The following CSF1R variants were observed in gnomAD, a reference collection of about 807,000 sequenced individuals.
The protein encoded by CSF1R is macrophage colony-stimulating factor 1 receptor.
A neutral mutation model predicts 110.0 loss-of-function variants in CSF1R; 40 were observed. The observed-to-expected ratio is 0.36, with a 90% confidence interval of 0.28 to 0.47. CSF1R has a LOEUF of 0.47. Ranked by LOEUF, CSF1R falls within the 20% of genes least tolerant of loss-of-function variation. The probability of loss-of-function intolerance (pLI) is 0.99; values close to 1 mark genes in which losing one functional copy is unlikely to be tolerated. For missense variants in CSF1R, 1,052 were observed against 1,253.0 expected, an observed-to-expected ratio of 0.84 and a Z score of 2.42; for synonymous variants, 523 against 503.4, an observed-to-expected ratio of 1.04 and a Z score of -0.52.
At chr5:150,103,868 G>A (rs532078433) in intron 1 of CSF1R, among the ~76,000 whole-genome samples, 41 of 152,312 alleles carry the variant, frequency 2.7e-4, no homozygotes, top group Non-Finnish European at 4.6e-4. Context: ...CTGGCAGGGT[G>A]CCAGGGCTTG....
At chr5:150,088,269 A>C (rs1211630198), upstream of CSF1R, among the ~76,000 whole-genome samples, 2 of 152,224 alleles carry the variant, frequency 1.3e-5, no homozygotes, top group Non-Finnish European at 2.9e-5. Context: ...TATAACAAGA[A>C]AAGAAATTTA....
At chr5:150,084,376 A>AAAGAAAGAAAG (rs1758715341) in intron 1 of CSF1R, among the ~76,000 whole-genome samples, 1 of 47,946 alleles carries the variant, frequency 2.1e-5, no homozygotes, top group African/African-American at 1.3e-4. Flanking sequence ...AGAAAGAAAG[A>AAAGAAAGAAAG]AAGAAAGAAA....
intron 1 of CSF1R, among the ~76,000 whole-genome samples, chr5:150,104,013 G>T (rs1188673821): frequency 6.6e-6 from 1 of 152,016 alleles, no homozygotes; most frequent in Admixed American, 6.5e-5. Flanking sequence ...TCCCAGGCCT[G>T]CTGACTTAGG....
intron 10 of CSF1R, 122 bp from the exon 11 acceptor site, chr5:150,061,971 CAAGG>C: frequency 5.2e-6 from 7 of 1,358,024 alleles, no homozygotes; most frequent in African/African-American, 1.4e-5. Context: ...GAAGGCAGGG[CAAGG>C]CCTGCTCTGG....
chr5:150,092,208 G>GAGGC (rs549305620), intron 1 of CSF1R, among the ~76,000 whole-genome samples: 19 of 152,332 alleles, frequency 1.2e-4, no homozygotes, highest in Admixed American at 3.3e-4. Flanking sequence ...ACAAAAACAG[G>GAGGC]AGGCAGGCTA....
chr5:150,095,168 T>C (rs1454001987), intron 1 of CSF1R: 3 of 638,338 alleles, frequency 4.7e-6, no homozygotes, highest in South Asian at 4.1e-5. Context: ...ACAAAACTGA[T>C]AGACCCGAAA....
chr5:150,075,813 G>A (rs748559440), intron 5 of CSF1R, among the ~76,000 whole-genome samples: 3 of 152,176 alleles, frequency 2.0e-5, no homozygotes, highest in Admixed American at 6.5e-5. Context: ...ATTAGAAGCC[G>A]TAACTGAATT....
In CSF1R at chr5:150,080,933, G is replaced by A. The variant is rs771756926; in HGVS notation, c.141C>T (p.Ser47=). 5.6e-6 allele frequency: 9 copies of A among 1,614,140 alleles called. No homozygotes were observed. Among genetic ancestry groups the A allele is most frequent in the South Asian group, 3.3e-5 (3 of 91,078 alleles). ...TVTLRCVGNG[S]VEWDGPPSPH... is the part of the protein sequence containing the mutation. ...GTGATGGGGGGCCATCCCATTCCAC[G>A]CTGCCATTGCCCACACATCGCAAGG... Residue 47 remains serine, a synonymous_variant, in exon 2 of 21, where the codon AGC becomes AGT. Coordinates refer to ENST00000675795, the MANE Select transcript of CSF1R (RefSeq NM_001288705.3).
chr5:150,077,811 A>G (rs1020366648), intron 4 of CSF1R, among the ~76,000 whole-genome samples: 6 of 152,228 alleles, frequency 3.9e-5, no homozygotes, highest in Non-Finnish European at 5.9e-5. Context: ...CTAAATCAGA[A>G]GTGAGCTCAC....
At chr5:150,108,580 A>G (rs891636756) in intron 1 of CSF1R, among the ~76,000 whole-genome samples, 8 of 152,214 alleles carry the variant, frequency 5.3e-5, no homozygotes, top group African/African-American at 1.7e-4. Context: ...AGAATGAAAA[A>G]GAAAAATTTT....
intron 3 of CSF1R, 75 bp downstream of exon 3, chr5:150,079,977 G>GT (rs3842021): frequency 0.021 from 32,902 of 1,543,416 alleles, 2,655 homozygotes; most frequent in East Asian, 0.21. Context: ...CCAGTCCCCA[G>GT]TCACCACCCA....
chr5:150,057,144 T>C, intron 16 of CSF1R, 143 bp downstream of exon 16: 2 of 678,368 alleles, frequency 2.9e-6, no homozygotes, highest in Non-Finnish European at 5.0e-6. Flanking sequence ...TCCTTGCAGC[T>C]GCTGCCCAAA....
rs370191577 is a variant in CSF1R at position 150,106,876 on chromosome 5, C to T, written c.-181+6385G>A. 2.1e-4 allele frequency among the ~76,000 whole-genome samples: 32 copies of T among 152,206 alleles called. 1 individual carries two copies. Among genetic ancestry groups the T allele is most frequent in the East Asian group, 7.7e-4 (4 of 5,188 alleles). On this transcript the variant is annotated intron_variant, in intron 1 of 21. Coordinates refer to the CSF1R transcript ENST00000286301. Reference sequence around the variant, plus strand: ...ACTGAGTCCCTGTCTTATAGTCTCTCGTGGCTCCCTGAGTTTCCTGGCACT... The same window carrying T: ...ACTGAGTCCCTGTCTTATAGTCTCTTGTGGCTCCCTGAGTTTCCTGGCACT...
At chr5:150,057,224 T>A in intron 16 of CSF1R, 63 bp downstream of exon 16, 2 of 1,441,312 alleles carry the variant, frequency 1.4e-6, no homozygotes, top group Non-Finnish European at 1.9e-6. Context: ...CCATCGTCAC[T>A]CATCCAGCCT....
At chr5:150,075,239 T>C (rs923433536) in intron 5 of CSF1R, among the ~76,000 whole-genome samples, 6 of 152,174 alleles carry the variant, frequency 3.9e-5, no homozygotes, top group Admixed American at 3.9e-4. Context: ...TATTCATCCA[T>C]CCATTAGTCC....
At chr5:150,069,769 GC>G in intron 9 of CSF1R, 103 bp downstream of exon 9, 2 of 1,174,238 alleles carry the variant, frequency 1.7e-6, no homozygotes, top group Non-Finnish European at 2.3e-6. Context: ...CAAAGGTGGA[GC>G]CAACCCCAGC....
At chr5:150,057,661 A>AC (rs775023308) in intron 14 of CSF1R, 69 bp from the exon 15 acceptor site, 294 of 1,108,848 alleles carry the variant, frequency 2.7e-4, no homozygotes, top group Non-Finnish European at 3.8e-4. Context: ...TCAGGCCTTG[A>AC]CCACCCACCA....
rs1240683875 is a variant in CSF1R at position 150,080,154 on chromosome 5, T to C, written c.490A>G (p.Ile164Val). The change falls in exon 3 of 21, where the codon ATC becomes GTC. Residue 164 changes from isoleucine (I) to valine (V), a missense_variant. Physicochemically the swap from Ile to Val is conservative, Grantham distance 29 (BLOSUM62 3). Around this residue, in one of 5 missense-constraint regions of CSF1R, gnomAD observed 693 missense variants for 735.4 expected, o/e 0.94. Transcript: ENST00000675795. ...CTCTGAATGAACTTGGCCCTGTGGA[T>C]GGTGAAGCCATGCCAGGGCGAGAAG... Reference protein sequence around the residue: ...YSFSPWHGFTIHRAKFIQSQD... With the variant: ...YSFSPWHGFTVHRAKFIQSQD... 1 of 1,613,928 alleles carries C rather than the reference T, an allele frequency of 6.2e-7. No individual in the cohort carries two copies. Among genetic ancestry groups the C allele is most frequent in the Non-Finnish European group, 8.5e-7 (1 of 1,180,040 alleles).
intron 5 of CSF1R, among the ~76,000 whole-genome samples, chr5:150,075,479 G>C (rs185210608): frequency 1.3e-5 from 2 of 152,332 alleles, no homozygotes; most frequent in Admixed American, 1.3e-4. Context: ...GCAGGATGGA[G>C]CTCCCTTCTC....
Sources: gnomAD v4.1 joint callset for allele counts (sites outside exome capture counted in the v4.1 genomes callset) on GRCh38, gnomAD v4.1.1 for gene constraint, gnomAD v4.1.1 regional missense constraint, MANE v1.5 for transcripts, NCBI Gene and HGNC (gene_info 2026-07-23, HGNC 2026-07-21) for gene names.